PRPF19: variants seen among roughly 807,000 people sequenced by gnomAD.
The protein encoded by PRPF19 is pre-mRNA processing factor 19.
A neutral mutation model predicts 64.2 loss-of-function variants in PRPF19; 2 were observed. The ratio of observed to expected loss-of-function variants is 0.03; its 90% CI spans 0.01 to 0.10. The LOEUF is 0.10. Among genes scored for constraint, PRPF19 ranks in the 10% least tolerant of loss-of-function variants. The pLI, the probability that PRPF19 is intolerant of heterozygous loss-of-function variation, is 1.00. For missense variants in PRPF19, 314 were observed against 650.0 expected (o/e 0.48, Z 5.62); for synonymous variants, 226 against 251.6 (o/e 0.90, Z 0.96).
intron 15 of PRPF19, among the ~76,000 whole-genome samples, chr11:60,894,254 T>A (rs1855896362): frequency 1.3e-5 from 2 of 152,218 alleles, no homozygotes; most frequent in African/African-American, 4.8e-5. Flanking sequence ...TTGATAGCAT[T>A]TTACCCACAG....
At chr11:60,899,817 C>T (rs1322790641) in intron 10 of PRPF19, among the ~76,000 whole-genome samples, 3 of 152,114 alleles carry the variant, frequency 2.0e-5, no homozygotes, top group Admixed American at 6.5e-5. Context: ...AATTTCGCGT[C>T]ACTCACCAAT....
At chr11:60,904,171 C>T (rs1336114778) in intron 1 of PRPF19, among the ~76,000 whole-genome samples, 4 of 152,178 alleles carry the variant, frequency 2.6e-5, no homozygotes, top group African/African-American at 9.7e-5. Context: ...ATCACCACCT[C>T]ATATCTGAAC....
rs1337220082 is a variant in PRPF19, at chr11:60,902,624, T to G, written c.421A>C (p.Ile141Leu). The G allele has an allele frequency of 3.1e-6, 5 of 1,614,132 alleles. No homozygotes were observed. The highest frequency in any genetic ancestry group is 4.2e-6 in the Non-Finnish European group (5 of 1,180,008). The change falls in exon 5 of 16, where the codon ATT becomes CTT. Residue 141 changes from isoleucine (I) to leucine (L), a missense_variant. By Grantham distance (5) the Ile-to-Leu change is conservative. This residue lies in a region of PRPF19 where 4 missense variants were observed against 44.3 expected (regional missense o/e 0.09). Transcript: ENST00000227524. This position sits in a 1 kb window ranked among gnomAD's most constrained non-coding sequence, Gnocchi z 5.0. Reference sequence around the variant, plus strand: ...GAACTTGGCACAGCCTGGGGCACAATGAGGCCAGCCTGTGGTTTCAGGGTA... The same window carrying G: ...GAACTTGGCACAGCCTGGGGCACAAGGAGGCCAGCCTGTGGTTTCAGGGTA... ...LATLKPQAGL[I>L]VPQAVPSSQP...
intron 8 of PRPF19, 77 bp from the exon 9 acceptor site, chr11:60,901,006 C>A: frequency 6.8e-7 from 1 of 1,479,972 alleles, no homozygotes; most frequent in South Asian, 1.1e-5. Context: ...CCCCTACTGC[C>A]ATCTCCAGTC....
chr11:60,900,093 C>T (rs1855966006), intron 10 of PRPF19, among the ~76,000 whole-genome samples: 1 of 152,178 alleles, frequency 6.6e-6, no homozygotes, highest in South Asian at 2.1e-4. Context: ...GCTTAAAATT[C>T]GAATCCCATA....
At position 60,902,732 on chromosome 11, in the gene PRPF19, G is replaced by C. The variant is rs1465094926; in HGVS notation, c.388+8C>G. The C allele has an allele frequency of 7.4e-6, 12 of 1,614,196 alleles. No individual in the cohort carries two copies. The highest frequency in any genetic ancestry group is 1.0e-5 in the Non-Finnish European group (12 of 1,180,036). On this transcript the variant is annotated splice_region_variant and intron_variant, in intron 4 of 15. Transcript: ENST00000227524. This position sits in a 1 kb window ranked among gnomAD's most constrained non-coding sequence, Gnocchi z 5.0. ...CCAGGGTGGGGGATGGCAGGGGAGAGGCTGCACCTTCTCGGGCAGCAGTGA... is the reference window on the plus strand; with the variant it reads ...CCAGGGTGGGGGATGGCAGGGGAGACGCTGCACCTTCTCGGGCAGCAGTGA...
rs915044201 is a variant in PRPF19, at chr11:60,902,027, T to C, written c.525+376A>G. On this transcript the variant is annotated intron_variant, in intron 6 of 15. Transcript: ENST00000227524. This position sits in a 1 kb window ranked among gnomAD's most constrained non-coding sequence, Gnocchi z 5.0. Reference sequence around the variant, plus strand: ...TATAATTCCTATCCTATTGCCCTCATAGAAAAAAAACAAGAAAATATATAA... The same window carrying C: ...TATAATTCCTATCCTATTGCCCTCACAGAAAAAAAACAAGAAAATATATAA... Among the ~76,000 whole-genome samples the C allele has an allele frequency of 6.6e-6, 1 of 151,908 alleles. No homozygotes were observed. The highest frequency in any genetic ancestry group is 1.5e-5 in the Non-Finnish European group (1 of 67,942).
chr11:60,891,101 C>A lies in PRPF19; in HGVS notation c.*65G>T, dbSNP rs1252987524. ...CCCCCATAGATTCCCCCCACCCCCC[C>A]CCCCAAACCCTAATTCTACCCCTCT... On this transcript the variant is annotated 3_prime_UTR_variant, in exon 16 of 16. Coordinates refer to ENST00000227524, the MANE Select transcript of PRPF19 (RefSeq NM_014502.5). The A allele has an allele frequency of 4.0e-5, 18 of 447,046 alleles. No individual in the cohort carries two copies. The highest frequency in any genetic ancestry group is 2.1e-4 in the East Asian group (4 of 19,252). 27.7% of individuals were successfully genotyped at this position (447,046 alleles called of 1,614,324 possible).
chr11:60,903,590 T>C, intron 2 of PRPF19, 55 bp from the exon 3 acceptor site: 1 of 1,599,102 alleles, frequency 6.3e-7, no homozygotes, highest in Non-Finnish European at 8.5e-7. Context: ...TCCCCCGCCA[T>C]CACATCTTTT....
rs114437609 is a variant in PRPF19 at position 60,904,484 on chromosome 11, C to T, written c.20-623G>A. ...AGTCCCACCAGACTCCCCGCCCCTT[C>T]AGATGCCAATCGCAAGCCCCAGGTT... is the stretch of plus-strand genomic sequence containing the variant. On this transcript the variant is annotated intron_variant, in intron 1 of 15. Coordinates refer to ENST00000227524, the MANE Select transcript of PRPF19 (RefSeq NM_014502.5). Among the ~76,000 whole-genome samples the T allele has an allele frequency of 3.1e-3, 479 of 152,328 alleles. 2 individuals are homozygous for T. The highest frequency in any genetic ancestry group is 0.011 in the African/African-American group (460 of 41,562).
chr11:60,897,763 C>T (rs1855937353), intron 15 of PRPF19, 83 bp downstream of exon 15: 6 of 1,164,536 alleles, frequency 5.2e-6, no homozygotes, highest in African/African-American at 4.6e-5. Context: ...TTCATGCAAG[C>T]CCTAGAAATT....
intron 15 of PRPF19, 49 bp from the exon 16 acceptor site, chr11:60,891,312 G>C: frequency 7.4e-7 from 1 of 1,345,830 alleles, no homozygotes; most frequent in Non-Finnish European, 1.1e-6. Flanking sequence ...TCCTCCTTTA[G>C]TCTGAACACT....
intron 15 of PRPF19, chr11:60,897,570 A>T: frequency 3.0e-6 from 1 of 330,172 alleles, no homozygotes; most frequent in Non-Finnish European, 5.6e-6. Context: ...ATGTTCATTT[A>T]TTTTAGATTC....
At chr11:60,892,432 T>A (rs1855870910) in intron 15 of PRPF19, among the ~76,000 whole-genome samples, 1 of 152,200 alleles carries the variant, frequency 6.6e-6, no homozygotes, top group South Asian at 2.1e-4. Context: ...CCAGACACCG[T>A]TCTGACCTAT....
In PRPF19 at chr11:60,891,099, C is replaced by T. The variant is rs1489997701; in HGVS notation, c.*67G>A. The T allele has an allele frequency of 8.0e-5, 31 of 387,934 alleles. 2 individuals carry two copies. The Admixed American group carries it at 9.7e-4, about 12-fold the overall frequency. The allele number at this position is 387,934 out of a possible 1,614,324, so 24.0% of individuals were successfully genotyped here. A position where few individuals can be genotyped will look rare whatever the true frequency, so the allele number is the denominator to read the frequency against. On this transcript the variant is annotated 3_prime_UTR_variant, in exon 16 of 16. Coordinates refer to ENST00000227524, the MANE Select transcript of PRPF19 (RefSeq NM_014502.5). ...TCCCCCCATAGATTCCCCCCACCCC[C>T]CCCCCCAAACCCTAATTCTACCCCT... is the stretch of plus-strand genomic sequence containing the variant.
chr11:60,902,473 G>C lies in PRPF19; in HGVS notation c.463-8C>G. The C allele has an allele frequency of 6.2e-7, 1 of 1,614,076 alleles. No individual in the cohort carries two copies. The highest frequency in any genetic ancestry group is 8.5e-7 in the Non-Finnish European group (1 of 1,179,938). On this transcript the variant is annotated splice_polypyrimidine_tract_variant and splice_region_variant and intron_variant, in intron 5 of 15. Transcript: ENST00000227524. This position sits in a 1 kb window ranked among gnomAD's most constrained non-coding sequence, Gnocchi z 5.0. Reference sequence around the variant, plus strand: ...CATTGGCTCACCCGCACCCTGAAGAGAAGAAAGGTGAGGGTGAGAGGCACA... The same window carrying C: ...CATTGGCTCACCCGCACCCTGAAGACAAGAAAGGTGAGGGTGAGAGGCACA...
chr11:60,890,904 G>C lies in PRPF19; in HGVS notation c.*262C>G, dbSNP rs894925257. 1.2e-4 allele frequency: 72 copies of C among 580,784 alleles called. No homozygotes were observed. Among genetic ancestry groups the C allele is most frequent in the Non-Finnish European group, 1.4e-4 (42 of 308,838 alleles). 36.0% of individuals were successfully genotyped at this position (580,784 alleles called of 1,614,324 possible). On this transcript the variant is annotated 3_prime_UTR_variant, in exon 16 of 16. Coordinates refer to ENST00000227524, the MANE Select transcript of PRPF19 (RefSeq NM_014502.5). ...GTCCATTGAACGACAGGAAGGGAGA[G>C]GCCCTGGGCTCCGACCCTGGGCCTT...
chr11:60,897,997 C>G (rs1855941192), intron 14 of PRPF19, 46 bp from the exon 15 acceptor site: 1 of 1,609,902 alleles, frequency 6.2e-7, no homozygotes, highest in Non-Finnish European at 8.5e-7. Flanking sequence ...GGAACAGAAA[C>G]TATGGGGCAG....
chr11:60,900,998 C>T (rs2134863623), intron 8 of PRPF19, 69 bp from the exon 9 acceptor site: 2 of 1,530,582 alleles, frequency 1.3e-6, no homozygotes, highest in Non-Finnish European at 1.8e-6. Flanking sequence ...ACAGACCTCC[C>T]CTACTGCCAT....
Sources: gnomAD v4.1 joint callset for allele counts (sites outside exome capture counted in the v4.1 genomes callset) on GRCh38, gnomAD v4.1.1 for gene constraint, gnomAD v4.1.1 regional missense constraint, Gnocchi (gnomAD v3.1) non-coding constraint, MANE v1.5 for transcripts, NCBI Gene and HGNC (gene_info 2026-07-23, HGNC 2026-07-21) for gene names.